Variants in COLEC10 observed in about 807,000 individuals in gnomAD.
COLEC10 encodes collectin subfamily member 10, also known as collectin-10.
A neutral mutation model predicts 28.4 loss-of-function variants in COLEC10; 22 were observed. The ratio of observed to expected loss-of-function variants is 0.78; its 90% CI spans 0.55 to 1.11. COLEC10 has a LOEUF of 1.11. COLEC10 is among the 50% of genes least tolerant of loss of function. The pLI is 0.00. For synonymous variants in COLEC10, 125 were observed against 116.1 expected (o/e 1.08, Z -0.49); for missense variants, 361 against 344.1 (o/e 1.05, Z -0.39).
chr8:119,070,388 T>C (rs1815078222), intron 1 of COLEC10, among the ~76,000 whole-genome samples: 1 of 152,110 alleles, frequency 6.6e-6, no homozygotes, highest in African/African-American at 2.4e-5. Flanking sequence ...TATTTTTCTT[T>C]CTATGCCTTA....
Position 119,105,941 on chromosome 8 carries a change from T to C in COLEC10, c.584T>C (p.Ile195Thr). ...MPKDEAANTL[I>T]ADYVAKSGFF... The stretch of plus-strand genomic sequence containing the variant: ...AAGGATGAAGCTGCCAACACACTCA[T>C]CGCTGACTATGTTGCCAAGAGTGGC... The change falls in exon 6 of 6, where the codon ATC becomes ACC. Residue 195 changes from isoleucine to threonine, a missense_variant. Ile to Thr is a moderately conservative substitution (Grantham distance 89, BLOSUM62 -1). Around this residue, in one of 3 missense-constraint regions of COLEC10, gnomAD observed 335 missense variants for 308.5 expected, o/e 1.09. Coordinates refer to ENST00000332843, the MANE Select transcript of COLEC10 (RefSeq NM_006438.5). The C allele has an allele frequency of 6.2e-7, 1 of 1,613,884 alleles. No individual in the cohort carries two copies. Among genetic ancestry groups the C allele is most frequent in the Non-Finnish European group, 8.5e-7 (1 of 1,179,874 alleles).
intron 3 of COLEC10, among the ~76,000 whole-genome samples, chr8:119,092,792 A>G (rs1368746503): frequency 6.6e-6 from 1 of 151,994 alleles, no homozygotes; most frequent in African/African-American, 2.4e-5. Context: ...TGTAATCCCC[A>G]CTACTGGGGA....
chr8:118,974,560 G>C, the COLEC10 span, among the ~76,000 whole-genome samples: 1 of 151,944 alleles, frequency 6.6e-6, no homozygotes, highest in Non-Finnish European at 1.5e-5. Flanking sequence ...CTTGTTCTGG[G>C]AACAACTGTA....
chr8:119,105,668 C>T (rs1396321261), intron 5 of COLEC10, 132 bp from the exon 6 acceptor site: 4 of 821,828 alleles, frequency 4.9e-6, no homozygotes, highest in Non-Finnish European at 7.4e-6. Context: ...TCTGTGACTA[C>T]CTCATAATAG....
chr8:119,072,961 A>G (rs527281957), intron 1 of COLEC10, among the ~76,000 whole-genome samples: 13 of 152,248 alleles, frequency 8.5e-5, no homozygotes, highest in African/African-American at 2.6e-4. Flanking sequence ...ATTTCCCAAG[A>G]TACTTCTCAG....
chr8:119,026,532 A>G (rs1814194213), intron 2 of COLEC10, among the ~76,000 whole-genome samples: 1 of 152,182 alleles, frequency 6.6e-6, no homozygotes, highest in South Asian at 2.1e-4. Context: ...ATCTCAAAAC[A>G]AAAACAAAAA....
chr8:119,065,816 C>T (rs1021426062), upstream of COLEC10, among the ~76,000 whole-genome samples: 6 of 144,294 alleles, frequency 4.2e-5, no homozygotes, highest in Admixed American at 1.4e-4. Context: ...CCAGATCATG[C>T]GACTGTACTC....
rs1376299611 is a variant in COLEC10, at chr8:119,108,018, A to T, written c.*1827A>T. 1.3e-5 allele frequency among the ~76,000 whole-genome samples: 2 copies of T among 152,204 alleles called. No individual in the cohort carries two copies. Among genetic ancestry groups the T allele is most frequent in the Admixed American group, 6.6e-5 (1 of 15,264 alleles). On this transcript the variant is annotated 3_prime_UTR_variant, in exon 6 of 6. Coordinates refer to ENST00000332843, the MANE Select transcript of COLEC10 (RefSeq NM_006438.5). Reference sequence around the variant, plus strand: ...GAAGGTTCTAACCAAATAGAATGTCATTAGGATATGATGACATGAAAGTCA... The same window carrying T: ...GAAGGTTCTAACCAAATAGAATGTCTTTAGGATATGATGACATGAAAGTCA...
At chr8:119,050,192 C>T (rs1814652742) in intron 2 of COLEC10, among the ~76,000 whole-genome samples, 1 of 148,570 alleles carries the variant, frequency 6.7e-6, no homozygotes, top group African/African-American at 2.4e-5. Context: ...ATGAGATTAT[C>T]GAAGATAAAG....
At chr8:118,955,238 GAC>G in the COLEC10 span, among the ~76,000 whole-genome samples, 66 of 152,182 alleles carry the variant, frequency 4.3e-4, no homozygotes, top group East Asian at 8.7e-3. Context: ...TAATATTTGA[GAC>G]ACAAACTATT....
intron 5 of COLEC10, among the ~76,000 whole-genome samples, 188 bp from the exon 6 acceptor site, chr8:119,105,612 T>C (rs1278253027): frequency 6.6e-6 from 1 of 152,080 alleles, no homozygotes; most frequent in Non-Finnish European, 1.5e-5. Flanking sequence ...GAACAAACGG[T>C]AGATATGTGT....
At chr8:119,069,289 C>T (rs950848874) in intron 1 of COLEC10, among the ~76,000 whole-genome samples, 2 of 151,916 alleles carry the variant, frequency 1.3e-5, no homozygotes, top group Admixed American at 1.3e-4. Flanking sequence ...GAAACCAAGA[C>T]ATGATACCTT....
At chr8:119,060,890 A>G (rs942216588) in intron 2 of COLEC10, among the ~76,000 whole-genome samples, 22 of 152,122 alleles carry the variant, frequency 1.4e-4, no homozygotes, top group Non-Finnish European at 2.6e-4. Flanking sequence ...ATTAAAGTCA[A>G]TAACAAGAAA....
the COLEC10 span, among the ~76,000 whole-genome samples, chr8:118,981,961 A>G: frequency 3.3e-5 from 5 of 151,322 alleles, no homozygotes; most frequent in South Asian, 2.1e-4. Context: ...TGACACATCT[A>G]TTCTCCGTAT....
the COLEC10 span, among the ~76,000 whole-genome samples, chr8:118,986,014 G>A: frequency 6.6e-6 from 1 of 152,120 alleles, no homozygotes; most frequent in Non-Finnish European, 1.5e-5. Context: ...AACAAATGCA[G>A]CACTTATAGA....
At chr8:118,997,258 A>G (rs1463836187) in intron 1 of COLEC10, among the ~76,000 whole-genome samples, 1 of 152,144 alleles carries the variant, frequency 6.6e-6, no homozygotes, top group African/African-American at 2.4e-5. Flanking sequence ...TACTTAGGTC[A>G]TATTTTCACT....
the COLEC10 span, among the ~76,000 whole-genome samples, chr8:118,964,012 A>G: frequency 1.3e-5 from 2 of 152,178 alleles, no homozygotes; most frequent in Admixed American, 6.5e-5. Flanking sequence ...GGGGAGATGG[A>G]AAAAGTGAAA....
chr8:119,077,992 G>T (rs553497946), intron 1 of COLEC10, among the ~76,000 whole-genome samples: 1 of 152,194 alleles, frequency 6.6e-6, no homozygotes, highest in South Asian at 2.1e-4. Flanking sequence ...TGGCAGAAGA[G>T]CAAAAGAAAG....
chr8:118,985,184 G>T, the COLEC10 span, among the ~76,000 whole-genome samples: 1 of 152,054 alleles, frequency 6.6e-6, no homozygotes, highest in Non-Finnish European at 1.5e-5. Context: ...AATGGTGAGA[G>T]AATATTCTGT....
Sources: gnomAD v4.1 joint callset for allele counts (sites outside exome capture counted in the v4.1 genomes callset) on GRCh38, gnomAD v4.1.1 for gene constraint, gnomAD v4.1.1 regional missense constraint, MANE v1.5 for transcripts, NCBI Gene and HGNC (gene_info 2026-07-23, HGNC 2026-07-21) for gene names.